DNAH9: variants seen among roughly 807,000 people sequenced by gnomAD.
DNAH9 encodes dynein axonemal heavy chain 9, also known as DNAH9 variant protein.
A neutral mutation model predicts 471.6 loss-of-function variants in DNAH9; 345 were observed. The ratio of observed to expected loss-of-function variants is 0.73; its 90% CI spans 0.67 to 0.80. The LOEUF (loss-of-function observed/expected upper bound fraction) is 0.80. Ranked by LOEUF, DNAH9 falls within the 30% of genes least tolerant of loss-of-function variation. The probability of loss-of-function intolerance (pLI) is 0.00; values close to 1 mark genes in which losing one functional copy is unlikely to be tolerated. For missense variants in DNAH9, 5,407 were observed against 5,609.2 expected (o/e 0.96, Z 1.15); for synonymous variants, 2,093 against 2,123.6 (o/e 0.99, Z 0.40).
rs1289287131 is a variant in DNAH9 at position 11,772,663 on chromosome 17, G to T, written c.7552+3334G>T. 2.0e-5 allele frequency among the ~76,000 whole-genome samples: 3 copies of T among 152,160 alleles called. No homozygotes were observed. The East Asian group carries it at 5.8e-4, about 29-fold the overall frequency. ...GAAAACTGGCTCTCACTGTAGCTGA[G>T]CATTCACCAAAACCCAACACTTTCT... On this transcript the variant is annotated intron_variant, in intron 38 of 68. Coordinates refer to ENST00000262442, the MANE Select transcript of DNAH9 (RefSeq NM_001372.4).
chr17:11,680,535 A>G (rs1388852573), intron 18 of DNAH9, among the ~76,000 whole-genome samples, 188 bp from the exon 19 acceptor site: 1 of 152,128 alleles, frequency 6.6e-6, no homozygotes, highest in East Asian at 1.9e-4. Flanking sequence ...AATAGTTGAG[A>G]GCAGCTGCGG....
chr17:11,937,383 C>T lies in DNAH9; in HGVS notation c.12521C>T (p.Pro4174Leu), dbSNP rs1207674084. The T allele has an allele frequency of 6.2e-7, 1 of 1,613,678 alleles. No individual in the cohort carries two copies. The highest frequency in any genetic ancestry group is 2.2e-5 in the East Asian group (1 of 44,876). The change falls in exon 66 of 69, where the codon CCC (proline) becomes CTC (leucine). Residue 4174 changes from proline to leucine, a missense_variant. Coordinates refer to ENST00000262442, the MANE Select transcript of DNAH9 (RefSeq NM_001372.4). The surrounding 1 kb of genome is among the most constrained non-coding windows in gnomAD (Gnocchi z 4.1). ...YIDAELPPES[P>L]YLYGLHPNAE... ...GATGCTGAGCTGCCCCCAGAATCCC[C>T]CTACCTCTATGGCCTCCACCCGAAC...
intron 55 of DNAH9, among the ~76,000 whole-genome samples, chr17:11,882,212 GA>G (rs1361415840): frequency 6.6e-6 from 1 of 152,152 alleles, no homozygotes; most frequent in Non-Finnish European, 1.5e-5. Flanking sequence ...TCCTGCCTTG[GA>G]GGCAGCGGCC....
chr17:11,775,006 T>C lies in DNAH9; in HGVS notation c.7552+5677T>C, dbSNP rs547003739. Among the ~76,000 whole-genome samples the C allele has an allele frequency of 2.0e-5, 3 of 152,324 alleles. No individual in the cohort carries two copies. The South Asian group carries it at 6.2e-4, about 32-fold the overall frequency. ...CTCCAAACGTTTCCTCACGTTCCTT[T>C]GTAATCCCTTCCTCCCAACGCCCCC... On this transcript the variant is annotated intron_variant, in intron 38 of 68. Transcript: ENST00000262442.
At chr17:11,829,342 A>G (rs1458404045) in intron 48 of DNAH9, among the ~76,000 whole-genome samples, 1 of 152,236 alleles carries the variant, frequency 6.6e-6, no homozygotes, top group African/African-American at 2.4e-5. Context: ...TTATAGCCTT[A>G]GCTCAGATAA....
chr17:11,775,935 C>T (rs1968413895), intron 38 of DNAH9, among the ~76,000 whole-genome samples: 2 of 152,138 alleles, frequency 1.3e-5, no homozygotes, highest in Admixed American at 1.3e-4. Context: ...CTGATAATAC[C>T]TGCATTTCTC....
intron 59 of DNAH9, among the ~76,000 whole-genome samples, chr17:11,901,056 G>A (rs924827268): frequency 2.0e-5 from 3 of 152,162 alleles, no homozygotes; most frequent in African/African-American, 7.2e-5. Context: ...AAGAGCAAAG[G>A]AGCTCCCAAG....
At chr17:11,684,578 C>T (rs575664964) in intron 19 of DNAH9, among the ~76,000 whole-genome samples, 9 of 152,276 alleles carry the variant, frequency 5.9e-5, no homozygotes, top group South Asian at 2.1e-4. Flanking sequence ...CCTTAAGAAA[C>T]GTCACCATGA....
At chr17:11,935,050 G>A (rs193048753) in intron 65 of DNAH9, among the ~76,000 whole-genome samples, 3 of 151,838 alleles carry the variant, frequency 2.0e-5, no homozygotes, top group Admixed American at 6.6e-5. Context: ...TGCAACCTCC[G>A]CCTCCCAGGT....
At chr17:11,617,865 AG>A (rs938566297) in intron 5 of DNAH9, among the ~76,000 whole-genome samples, 3 of 152,174 alleles carry the variant, frequency 2.0e-5, no homozygotes, top group Non-Finnish European at 1.5e-5. Flanking sequence ...GGGGATAAGT[AG>A]GGGTGGTGAA....
chr17:11,741,119 T>C (rs948016017), intron 29 of DNAH9, among the ~76,000 whole-genome samples: 4 of 152,190 alleles, frequency 2.6e-5, no homozygotes, highest in African/African-American at 9.7e-5. Flanking sequence ...TGGTTGCTCC[T>C]TTGAATTTGA....
At chr17:11,776,500 G>T (rs536345180) in intron 38 of DNAH9, among the ~76,000 whole-genome samples, 145 of 152,192 alleles carry the variant, frequency 9.5e-4, no homozygotes, top group Middle Eastern at 6.8e-3. Flanking sequence ...CTAAAGAGAA[G>T]GAGGTTGGAA....
In DNAH9 at chr17:11,880,180, A is replaced by G; in HGVS notation, c.10581A>G (p.Arg3527=). The part of the protein sequence containing the change: ...IDPVLGPLLG[R]EVIKKGRFIK... ...CTGTTCTGGGACCCCTGCTTGGGAG[A>G]GAAGTCATTAAAAAAGGACGGTAAG... is the stretch of plus-strand genomic sequence containing the variant. Residue 3527 remains arginine, a synonymous_variant, in exon 54 of 69, where the codon AGA becomes AGG. Coordinates refer to ENST00000262442, the MANE Select transcript of DNAH9 (RefSeq NM_001372.4). 1 of 1,613,808 alleles carries G rather than the reference A, an allele frequency of 6.2e-7. No homozygotes were observed. The highest frequency in any genetic ancestry group is 1.3e-5 in the African/African-American group (1 of 75,046).
At chr17:11,788,732 C>A (rs774973128) in intron 41 of DNAH9, among the ~76,000 whole-genome samples, 3 of 151,736 alleles carry the variant, frequency 2.0e-5, no homozygotes, top group Non-Finnish European at 4.4e-5. Flanking sequence ...TTTTTTAGTT[C>A]TTTTTCTTGT....
intron 6 of DNAH9, among the ~76,000 whole-genome samples, chr17:11,622,731 A>G (rs1567671350): frequency 6.6e-6 from 1 of 152,148 alleles, no homozygotes; most frequent in Non-Finnish European, 1.5e-5. Flanking sequence ...GATGGCCACC[A>G]GCCTCCCTAG....
In DNAH9 at chr17:11,962,280, G is replaced by A. The variant is rs370342359; in HGVS notation, c.13233+24G>A. On this transcript the variant is annotated intron_variant, in intron 68 of 68. Coordinates refer to ENST00000262442, the MANE Select transcript of DNAH9 (RefSeq NM_001372.4). The surrounding 1 kb of genome is among the most constrained non-coding windows in gnomAD (Gnocchi z 4.1). ...AGGTAAAGCTTGGAATGAACCAAAGGGCAGCTTTCTGGGGGCTGATTAAAT... is the reference window on the plus strand; with the variant it reads ...AGGTAAAGCTTGGAATGAACCAAAGAGCAGCTTTCTGGGGGCTGATTAAAT... 121 of 1,556,816 alleles carry A rather than the reference G, an allele frequency of 7.8e-5. No individual in the cohort carries two copies. Among genetic ancestry groups the A allele is most frequent in the Non-Finnish European group, 8.8e-5 (102 of 1,153,930 alleles).
intron 36 of DNAH9, among the ~76,000 whole-genome samples, chr17:11,765,990 A>G (rs1007267435): frequency 2.0e-5 from 3 of 152,056 alleles, no homozygotes; most frequent in South Asian, 2.1e-4. Context: ...AAATCCCCTC[A>G]AGCCTTTTAA....
chr17:11,951,974 T>TAC (rs1975381749), intron 67 of DNAH9, among the ~76,000 whole-genome samples: 1 of 152,042 alleles, frequency 6.6e-6, no homozygotes, highest in Non-Finnish European at 1.5e-5. Context: ...TTGCATTAGT[T>TAC]ACATTTCATG....
rs757517843 is a variant in DNAH9 at position 11,784,335 on chromosome 17, G to A, written c.7857G>A (p.Gly2619=). 1 of 1,614,124 alleles carries A rather than the reference G, an allele frequency of 6.2e-7. No individual in the cohort carries two copies. Among genetic ancestry groups the A allele is most frequent in the Non-Finnish European group, 8.5e-7 (1 of 1,180,030 alleles). ...GCGTGTTTGTCCTCTCCTTCCCGGG[G>A]GCAGATGCCCTGTCCTCTATCTACA... The part of the protein sequence containing the change: ...HFSVFVLSFP[G]ADALSSIYSI... The change falls in exon 41 of 69, where the codon GGG becomes GGA. Residue 2619 remains glycine (G), a synonymous_variant. Coordinates refer to ENST00000262442, the MANE Select transcript of DNAH9 (RefSeq NM_001372.4).
Sources: gnomAD v4.1 joint callset for allele counts (sites outside exome capture counted in the v4.1 genomes callset) on GRCh38, gnomAD v4.1.1 for gene constraint, Gnocchi (gnomAD v3.1) non-coding constraint, MANE v1.5 for transcripts, NCBI Gene and HGNC (gene_info 2026-07-23, HGNC 2026-07-21) for gene names.